RASGRF2: variants seen among roughly 807,000 people sequenced by gnomAD.
RASGRF2 encodes ras-specific guanine nucleotide-releasing factor 2.
RASGRF2 carries 76 observed loss-of-function variants against 151.0 expected under a neutral mutation model. The ratio of observed to expected loss-of-function variants is 0.50; its 90% CI spans 0.42 to 0.61. RASGRF2 has a LOEUF of 0.61. Among genes scored for constraint, RASGRF2 ranks in the 20% least tolerant of loss-of-function variants. The pLI, the probability that RASGRF2 is intolerant of heterozygous loss-of-function variation, is 0.00. For missense variants in RASGRF2, 1,148 were observed against 1,564.6 expected (o/e 0.73, Z 4.49); for synonymous variants, 504 against 566.5 (o/e 0.89, Z 1.57).
At chr5:81,139,603 G>A (rs561719162) in intron 17 of RASGRF2, among the ~76,000 whole-genome samples, 4 of 151,380 alleles carry the variant, frequency 2.6e-5, no homozygotes, top group African/African-American at 7.3e-5. Flanking sequence ...TTATTGCACC[G>A]ACTAGACAAA....
intron 2 of RASGRF2, among the ~76,000 whole-genome samples, chr5:81,053,548 C>T (rs9763589): frequency 0.15 from 22,975 of 151,622 alleles, 2,162 homozygotes; most frequent in East Asian, 0.39. Flanking sequence ...GGGTTGGTTC[C>T]GAGTCTTTGC....
At chr5:80,961,111 G>T in intron 1 of RASGRF2, 85 bp downstream of exon 1, 1 of 1,369,870 alleles carries the variant, frequency 7.3e-7, no homozygotes, top group Non-Finnish European at 9.5e-7. Context: ...GGGGTCGGGG[G>T]TCGTGAAAGA....
At chr5:80,969,598 G>A (rs567520703) in intron 1 of RASGRF2, among the ~76,000 whole-genome samples, 1,752 of 147,604 alleles carry the variant, frequency 0.012, 31 homozygotes, top group African/African-American at 0.041. Context: ...ACAGGCACCC[G>A]CCACCACGCC....
At chr5:81,041,964 C>T (rs533485075) in intron 1 of RASGRF2, among the ~76,000 whole-genome samples, 1 of 152,228 alleles carries the variant, frequency 6.6e-6, no homozygotes, top group South Asian at 2.1e-4. Context: ...TTGAGACTGA[C>T]TTTTCTATTC....
chr5:80,977,228 C>T (rs1044728591), intron 1 of RASGRF2, among the ~76,000 whole-genome samples: 6 of 152,142 alleles, frequency 3.9e-5, no homozygotes, highest in African/African-American at 1.4e-4. Flanking sequence ...CCATGGCATT[C>T]CATTTGGATG....
intron 7 of RASGRF2, among the ~76,000 whole-genome samples, chr5:81,084,474 G>A (rs147545234): frequency 2.0e-5 from 3 of 152,168 alleles, no homozygotes; most frequent in African/African-American, 7.2e-5. Flanking sequence ...TAAAAAGGGA[G>A]GATTCTCCTG....
At chr5:81,222,749 T>G (rs1239211831) in intron 26 of RASGRF2, among the ~76,000 whole-genome samples, 3 of 151,000 alleles carry the variant, frequency 2.0e-5, no homozygotes, top group Non-Finnish European at 4.5e-5. Flanking sequence ...AAGACAAGGT[T>G]GTGACCATCA....
At chr5:81,221,963 C>G (rs1331383574) in intron 26 of RASGRF2, among the ~76,000 whole-genome samples, 1 of 152,168 alleles carries the variant, frequency 6.6e-6, no homozygotes, top group East Asian at 1.9e-4. Context: ...TGCACTCCAG[C>G]CTGGGCAACA....
At chr5:81,041,693 ATTTACAAATT>A (rs1750683603) in intron 1 of RASGRF2, among the ~76,000 whole-genome samples, 2 of 152,178 alleles carry the variant, frequency 1.3e-5, no homozygotes, top group African/African-American at 4.8e-5. Flanking sequence ...CTGAGAAGCC[ATTTACAAATT>A]TTTATCTTCG....
At chr5:80,979,602 C>A (rs185815998) in intron 1 of RASGRF2, among the ~76,000 whole-genome samples, 1 of 152,300 alleles carries the variant, frequency 6.6e-6, no homozygotes, top group East Asian at 1.9e-4. Context: ...TTGCACTTTA[C>A]AACACCATCT....
rs1271101868 is a variant in RASGRF2 at position 81,055,093 on chromosome 5, C to G, written c.395+12110C>G. The stretch of plus-strand genomic sequence containing the variant: ...GCAAACGGGGACAATTTGACTTCCT[C>G]TTTTCCTAATTGAATACCCTTTATT... On this transcript the variant is annotated intron_variant, in intron 2 of 26. Transcript: ENST00000265080. 6.6e-5 allele frequency among the ~76,000 whole-genome samples: 10 copies of G among 152,310 alleles called. No individual in the cohort carries two copies. In the East Asian group the frequency reaches 1.9e-3, roughly 29 times the overall value.
At chr5:80,991,462 T>C (rs1748647910) in intron 1 of RASGRF2, among the ~76,000 whole-genome samples, 1 of 152,194 alleles carries the variant, frequency 6.6e-6, no homozygotes, top group Admixed American at 6.5e-5. Flanking sequence ...AGGCAGGACC[T>C]GAGAGTCTGC....
At chr5:81,201,870 C>T in intron 19 of RASGRF2, among the ~76,000 whole-genome samples, 1 of 152,174 alleles carries the variant, frequency 6.6e-6, no homozygotes, top group East Asian at 1.9e-4. Context: ...GATGTGACAT[C>T]ACAGAGTAGT....
intron 18 of RASGRF2, 40 bp downstream of exon 18, chr5:81,180,321 T>A (rs752763379): frequency 2.7e-5 from 33 of 1,244,458 alleles, no homozygotes; most frequent in Middle Eastern, 1.9e-4. Flanking sequence ...AAGGATTTTT[T>A]AAAAAATCAT....
At chr5:81,053,130 T>C (rs581431) in intron 2 of RASGRF2, among the ~76,000 whole-genome samples, 56,461 of 151,948 alleles carry the variant, frequency 0.37, 10,780 homozygotes, top group Middle Eastern at 0.62. Context: ...AATTCTTTTC[T>C]TTTTTTTAAT....
chr5:81,123,240 G>C (rs369321592), intron 15 of RASGRF2, among the ~76,000 whole-genome samples: 20 of 152,208 alleles, frequency 1.3e-4, no homozygotes, highest in African/African-American at 4.8e-4. Context: ...GTTGGTTTAG[G>C]GGGCAACACA....
chr5:81,000,868 A>T (rs1379741194), intron 1 of RASGRF2, among the ~76,000 whole-genome samples: 1 of 152,268 alleles, frequency 6.6e-6, no homozygotes, highest in Non-Finnish European at 1.5e-5. Context: ...GTAACTGGAC[A>T]TAGCAGCTAG....
At chr5:80,990,218 G>GTTTTTTT (rs10558206) in intron 1 of RASGRF2, among the ~76,000 whole-genome samples, 3 of 137,924 alleles carry the variant, frequency 2.2e-5, no homozygotes, top group Non-Finnish European at 1.6e-5. Context: ...ACTGCCAGAT[G>GTTTTTTT]TTTTTTTTTT....
At chr5:81,041,453 A>G (rs1441925075) in intron 1 of RASGRF2, among the ~76,000 whole-genome samples, 3 of 152,226 alleles carry the variant, frequency 2.0e-5, no homozygotes, top group African/African-American at 4.8e-5. Flanking sequence ...AACTCAATAT[A>G]CATATATATT....
Sources: gnomAD v4.1 joint callset for allele counts (sites outside exome capture counted in the v4.1 genomes callset) on GRCh38, gnomAD v4.1.1 for gene constraint, MANE v1.5 for transcripts, NCBI Gene and HGNC (gene_info 2026-07-23, HGNC 2026-07-21) for gene names.